ARHGEF38: variants seen among roughly 807,000 people sequenced by gnomAD.
ARHGEF38 encodes the protein Rho guanine nucleotide exchange factor (GEF) 38.
In ARHGEF38, 79 loss-of-function variants were observed where a neutral mutation model predicts 79.9. The ratio of observed to expected loss-of-function variants is 0.99; its 90% CI spans 0.82 to 1.19. ARHGEF38 has a LOEUF of 1.19. Among genes scored for constraint, ARHGEF38 ranks in the 50% most tolerant of loss-of-function variants. ARHGEF38 has a pLI of 0.00. For missense variants in ARHGEF38, 962 were observed against 907.2 expected (o/e 1.06, Z -0.78); for synonymous variants, 366 against 328.3 (o/e 1.11, Z -1.24).
Position 105,667,187 on chromosome 4 carries a change from C to T in ARHGEF38, c.1748C>T (p.Ala583Val), listed in dbSNP as rs759478439. 17 of 1,536,118 alleles carry T rather than the reference C, an allele frequency of 1.1e-5. No individual in the cohort carries two copies. Among genetic ancestry groups the T allele is most frequent in the Non-Finnish European group, 8.7e-7 (1 of 1,146,910 alleles). The change falls in exon 12 of 14, where the codon GCA becomes GTA. Residue 583 changes from alanine to valine, a missense_variant. Transcript: ENST00000420470. ...HRSKLLSTYS[A>V]EELYQAKRKC... ...TCCAAACTTCTATCCACATATAGTG[C>T]AGAGGAACTCTATCAAGCTAAGCGC...
intron 13 of ARHGEF38, among the ~76,000 whole-genome samples, chr4:105,673,832 G>T (rs888476598): frequency 2.0e-5 from 3 of 151,970 alleles, no homozygotes; most frequent in Admixed American, 1.3e-4. Context: ...GAAATTGCTC[G>T]TGTAATTAAA....
intron 10 of ARHGEF38, among the ~76,000 whole-genome samples, chr4:105,661,296 T>G (rs1366915699): frequency 6.6e-6 from 1 of 152,158 alleles, no homozygotes; most frequent in South Asian, 2.1e-4. Context: ...AACATTCAAG[T>G]TTTTAGTGGA....
chr4:105,608,886 C>T (rs1239052492), intron 2 of ARHGEF38, among the ~76,000 whole-genome samples: 1 of 151,870 alleles, frequency 6.6e-6, no homozygotes, highest in Non-Finnish European at 1.5e-5. Flanking sequence ...AGTAGAGCTC[C>T]TTATATATTT....
intron 4 of ARHGEF38, chr4:105,631,330 T>C (rs1484147655): frequency 9.5e-7 from 1 of 1,049,620 alleles, no homozygotes; most frequent in Non-Finnish European, 1.1e-6. Context: ...AAGCCTCTTC[T>C]TAAAGCTATT....
At chr4:105,617,294 T>C (rs1728548497) in intron 3 of ARHGEF38, among the ~76,000 whole-genome samples, 1 of 152,178 alleles carries the variant, frequency 6.6e-6, no homozygotes, top group African/African-American at 2.4e-5. Flanking sequence ...AGTAAAACAA[T>C]GATTTTATTA....
intron 3 of ARHGEF38, among the ~76,000 whole-genome samples, chr4:105,624,771 A>G (rs1578322874): frequency 6.6e-6 from 1 of 152,224 alleles, no homozygotes; most frequent in Admixed American, 6.5e-5. Flanking sequence ...CTGGGCTCCC[A>G]TCCAAGGAGG....
intron 6 of ARHGEF38, among the ~76,000 whole-genome samples, chr4:105,646,745 A>G (rs1191687049): frequency 6.6e-6 from 1 of 152,226 alleles, no homozygotes; most frequent in African/African-American, 2.4e-5. Context: ...TGCATATTAT[A>G]CACTACAATA....
intron 4 of ARHGEF38, among the ~76,000 whole-genome samples, chr4:105,634,350 A>C (rs966878271): frequency 6.6e-6 from 1 of 152,308 alleles, no homozygotes; most frequent in East Asian, 1.9e-4. Flanking sequence ...GCAAATACAC[A>C]TCTGCATCTA....
At chr4:105,570,334 C>T (rs1041219852) in intron 1 of ARHGEF38, 4 of 152,082 alleles carry the variant, frequency 2.6e-5, no homozygotes, top group Non-Finnish European at 5.9e-5. Flanking sequence ...GTGTATAATG[C>T]TTTAATATCA....
intron 3 of ARHGEF38, among the ~76,000 whole-genome samples, chr4:105,622,203 C>G (rs1274006208): frequency 6.6e-6 from 1 of 152,098 alleles, no homozygotes; most frequent in Non-Finnish European, 1.5e-5. Flanking sequence ...GCTGATGGAG[C>G]CTGCCAGTGG....
chr4:105,658,101 G>A (rs1187753912), intron 9 of ARHGEF38, among the ~76,000 whole-genome samples: 2 of 152,146 alleles, frequency 1.3e-5, no homozygotes, highest in Non-Finnish European at 2.9e-5. Context: ...AGGCCAAAAA[G>A]TGTAAACAAT....
At chr4:105,646,905 A>G (rs1729865980) in intron 6 of ARHGEF38, among the ~76,000 whole-genome samples, 1 of 152,168 alleles carries the variant, frequency 6.6e-6, no homozygotes, top group African/African-American at 2.4e-5. Flanking sequence ...AAAGTTTTAA[A>G]ACATTCAAAA....
chr4:105,557,878 C>A (rs1214851531), intron 1 of ARHGEF38, among the ~76,000 whole-genome samples: 1 of 152,082 alleles, frequency 6.6e-6, no homozygotes. Context: ...TATGGCCACA[C>A]TAAACTTCTG....
At chr4:105,634,574 A>G (rs1729325389) in intron 4 of ARHGEF38, among the ~76,000 whole-genome samples, 1 of 152,118 alleles carries the variant, frequency 6.6e-6, no homozygotes, top group African/African-American at 2.4e-5. Context: ...GTGGCTATAA[A>G]TGCAAATGTA....
chr4:105,638,212 G>A (rs1465386036), intron 5 of ARHGEF38, among the ~76,000 whole-genome samples: 6 of 152,012 alleles, frequency 3.9e-5, no homozygotes, highest in Non-Finnish European at 7.4e-5. Context: ...AAAATTATCC[G>A]TTTTTTAGGT....
At position 105,559,051 on chromosome 4, in the gene ARHGEF38, A is replaced by G. The variant is rs564379713; in HGVS notation, c.196+6090A>G. ...TTTGTTTCTGTTGACACAGGAAAAG[A>G]AAAAAAAAAACCTCTGTTTACAGAA... is the stretch of plus-strand genomic sequence containing the variant. On this transcript the variant is annotated intron_variant, in intron 1 of 13. Transcript: ENST00000420470. 1.1e-3 allele frequency among the ~76,000 whole-genome samples: 24 copies of G among 21,412 alleles called. 1 individual carries two copies. The highest frequency in any genetic ancestry group is 2.8e-3 in the African/African-American group (24 of 8,456). 14.0% of individuals were successfully genotyped at this position (21,412 alleles called of 152,430 possible).
intron 2 of ARHGEF38, among the ~76,000 whole-genome samples, chr4:105,608,390 C>A (rs541270000): frequency 9.2e-5 from 14 of 151,570 alleles, no homozygotes; most frequent in Non-Finnish European, 1.5e-4. Context: ...GATCCTTTGC[C>A]CATTTTTGTA....
chr4:105,639,108 G>C (rs1029722109), intron 5 of ARHGEF38, among the ~76,000 whole-genome samples: 1 of 151,636 alleles, frequency 6.6e-6, no homozygotes, highest in East Asian at 1.9e-4. Flanking sequence ...TTTATAACTT[G>C]TAATGTATAG....
chr4:105,617,402 A>C (rs1401540215), intron 3 of ARHGEF38, among the ~76,000 whole-genome samples: 2 of 152,166 alleles, frequency 1.3e-5, no homozygotes, highest in East Asian at 3.9e-4. Flanking sequence ...CTGTAGTGAA[A>C]ATTTGCATTT....
Sources: gnomAD v4.1 joint callset for allele counts (sites outside exome capture counted in the v4.1 genomes callset) on GRCh38, gnomAD v4.1.1 for gene constraint, MANE v1.5 for transcripts, NCBI Gene and HGNC (gene_info 2026-07-23, HGNC 2026-07-21) for gene names.